Variants in KIF4A observed in about 807,000 individuals in gnomAD.
KIF4A encodes the protein chromosome-associated kinesin KIF4A.
A neutral mutation model predicts 105.9 loss-of-function variants in KIF4A; 7 were observed. The ratio of observed to expected loss-of-function variants is 0.07; its 90% CI spans 0.04 to 0.12. KIF4A has a LOEUF of 0.12. Ranked by LOEUF, KIF4A falls within the 10% of genes least tolerant of loss-of-function variation. The probability of loss-of-function intolerance (pLI) is 1.00; values close to 1 mark genes in which losing one functional copy is unlikely to be tolerated. For synonymous variants in KIF4A, 281 were observed against 331.3 expected, an observed-to-expected ratio of 0.85 and a Z score of 1.65; for missense variants, 558 against 929.2, an observed-to-expected ratio of 0.60 and a Z score of 5.19.
intron 7 of KIF4A, among the ~76,000 whole-genome samples, chrX:70,320,941 C>T (rs1313280143): frequency 6.3e-5 from 7 of 111,815 alleles, no homozygotes; most frequent in African/African-American, 2.0e-4. Context: ...CACCTATATC[C>T]ATAAATATGT....
chrX:70,333,055 A>G (rs930509523), intron 9 of KIF4A, among the ~76,000 whole-genome samples: 1 of 111,082 alleles, frequency 9.0e-6, no homozygotes, highest in Non-Finnish European at 1.9e-5. Flanking sequence ...ATAGGTACTC[A>G]AGGCCAGGAG....
intron 7 of KIF4A, among the ~76,000 whole-genome samples, chrX:70,328,196 G>A (rs973062413): frequency 8.9e-6 from 1 of 111,803 alleles, no homozygotes; most frequent in Admixed American, 9.5e-5. Flanking sequence ...GGGTAATTTA[G>A]AAACAATATA....
chrX:70,414,577 G>A (rs1374427026), intron 28 of KIF4A, among the ~76,000 whole-genome samples: 1 of 111,954 alleles, frequency 8.9e-6, no homozygotes, highest in Admixed American at 9.5e-5. Flanking sequence ...GGATACATGA[G>A]AACCATGTCA....
chrX:70,372,399 G>A (rs1359160319), intron 15 of KIF4A, among the ~76,000 whole-genome samples: 2 of 112,982 alleles, frequency 1.8e-5, no homozygotes, highest in African/African-American at 6.4e-5. Flanking sequence ...CCGGCACCTC[G>A]GGAGGCCGAG....
intron 18 of KIF4A, among the ~76,000 whole-genome samples, chrX:70,384,843 G>A (rs966803473): frequency 1.9e-5 from 2 of 104,411 alleles, no homozygotes; most frequent in Non-Finnish European, 2.0e-5. Flanking sequence ...TTTTTTTTTG[G>A]TCTCACCCTG....
At chrX:70,373,804 G>A (rs979566348) in intron 15 of KIF4A, among the ~76,000 whole-genome samples, 18 of 55,696 alleles carry the variant, frequency 3.2e-4, no homozygotes, top group African/African-American at 8.7e-4. Flanking sequence ...ACACATATAC[G>A]TATATATATA....
Position 70,325,531 on chromosome X carries a change from G to GC in KIF4A, c.779-3868dup, listed in dbSNP as rs1022632310. 2.7e-5 allele frequency among the ~76,000 whole-genome samples: 3 copies of GC among 111,171 alleles called. 1 individual carries two copies. Among genetic ancestry groups the GC allele is most frequent in the Non-Finnish European group, 5.7e-5 (3 of 53,050 alleles). Reference sequence around the variant, plus strand: ...GGGCTCAAGCAATCCACCCGCTTCGGCCCCCCAAAGTGCTGGCATTACAGA... The same window carrying GC: ...GGGCTCAAGCAATCCACCCGCTTCGGCCCCCCCAAAGTGCTGGCATTACAGA... On this transcript the variant is annotated intron_variant, in intron 7 of 30. Coordinates refer to ENST00000374403, the MANE Select transcript of KIF4A (RefSeq NM_012310.5).
At chrX:70,293,360 C>T (rs1300256425) in intron 3 of KIF4A, among the ~76,000 whole-genome samples, 2 of 112,292 alleles carry the variant, frequency 1.8e-5, no homozygotes, top group African/African-American at 6.5e-5. Flanking sequence ...GACAACATGT[C>T]TGCCACACTA....
At chrX:70,325,417 A>G (rs1291551304) in intron 7 of KIF4A, among the ~76,000 whole-genome samples, 1 of 110,181 alleles carries the variant, frequency 9.1e-6, no homozygotes, top group Non-Finnish European at 1.9e-5. Context: ...AGCTGGGACT[A>G]CAGGTGCACA....
At chrX:70,405,475 T>C (rs1036442301) in intron 25 of KIF4A, among the ~76,000 whole-genome samples, 3 of 111,777 alleles carry the variant, frequency 2.7e-5, no homozygotes, top group Admixed American at 1.9e-4. Context: ...GAGAAGCATC[T>C]ATAGACTTCA....
chrX:70,419,825 G>T, intron 30 of KIF4A, 42 bp downstream of exon 30: 1 of 1,205,273 alleles, frequency 8.3e-7, no homozygotes, highest in South Asian at 1.8e-5. Context: ...CTGGATTAGC[G>T]TCCTTCTCTG....
intron 15 of KIF4A, among the ~76,000 whole-genome samples, chrX:70,367,349 T>C (rs1383297202): frequency 3.6e-5 from 4 of 111,831 alleles, no homozygotes; most frequent in Admixed American, 1.9e-4. Context: ...CTAGCCTCGA[T>C]GGTCTTTACA....
chrX:70,348,413 C>G (rs2086003013), intron 13 of KIF4A, among the ~76,000 whole-genome samples: 1 of 111,020 alleles, frequency 9.0e-6, no homozygotes. Flanking sequence ...GGGGATGTGG[C>G]AGGGTCATAG....
intron 9 of KIF4A, among the ~76,000 whole-genome samples, chrX:70,330,562 G>C (rs2085926183): frequency 8.9e-6 from 1 of 111,756 alleles, no homozygotes; most frequent in Non-Finnish European, 1.9e-5. Context: ...GAGATGAGAT[G>C]AGAGGTGTAG....
Position 70,330,304 on chromosome X carries a change from C to G in KIF4A, c.1043C>G (p.Thr348Arg), listed in dbSNP as rs780336464. ...NKPIVNIDPQ[T>R]AELNHLKQQV... ...CCTATTGTTAATATTGATCCCCAGA[C>G]AGCTGAACTTAATCATCTAAAGCAA... is the stretch of plus-strand genomic sequence containing the variant. The change falls in exon 9 of 31, where the codon ACA (threonine) becomes AGA (arginine). Residue 348 changes from threonine to arginine, a missense_variant. Physicochemically the swap from Thr to Arg is moderately conservative, Grantham distance 71 (BLOSUM62 -1). This residue lies in a region of KIF4A where 469 missense variants were observed against 680.4 expected (regional missense o/e 0.69). Transcript: ENST00000374403. 1.7e-5 allele frequency: 20 copies of G among 1,209,190 alleles called. No individual in the cohort carries two copies. The highest frequency in any genetic ancestry group is 8.7e-5 in the African/African-American group (5 of 57,246).
chrX:70,386,006 G>T (rs2086216238), intron 18 of KIF4A, among the ~76,000 whole-genome samples: 1 of 110,826 alleles, frequency 9.0e-6, no homozygotes, highest in Admixed American at 9.7e-5. Flanking sequence ...TTCAGCTCTT[G>T]CCCCCCTTTC....
intron 18 of KIF4A, among the ~76,000 whole-genome samples, chrX:70,382,665 G>A (rs1278310068): frequency 2.7e-5 from 3 of 110,458 alleles, no homozygotes; most frequent in East Asian, 5.7e-4. Context: ...TCAAGAAAGT[G>A]AATATGATCA....
intron 19 of KIF4A, 106 bp downstream of exon 19, chrX:70,386,807 GC>G: frequency 1.8e-6 from 1 of 571,150 alleles, no homozygotes. Flanking sequence ...AACCAGGGAT[GC>G]CAATCTTCAC....
intron 15 of KIF4A, among the ~76,000 whole-genome samples, chrX:70,373,167 G>T (rs1312541271): frequency 9.1e-6 from 1 of 109,486 alleles, no homozygotes; most frequent in Non-Finnish European, 1.9e-5. Flanking sequence ...TGCTACTCAG[G>T]AGGCTAAGGT....
Sources: allele counts gnomAD v4.1 joint callset (sites outside exome capture counted in the v4.1 genomes callset), GRCh38; gene constraint gnomAD v4.1.1; regional missense constraint gnomAD v4.1.1; transcripts MANE v1.5; gene names NCBI Gene and HGNC (gene_info 2026-07-23, HGNC 2026-07-21).